The following CDH13 variants were observed in gnomAD, a reference collection of about 807,000 sequenced individuals.
CDH13 encodes cadherin-13.
Under a neutral mutation model 63.8 loss-of-function variants are expected in CDH13, and 24 were observed. The ratio of observed to expected loss-of-function variants is 0.38; its 90% CI spans 0.27 to 0.53. The LOEUF (loss-of-function observed/expected upper bound fraction) is 0.53, where lower values mean the gene tolerates loss of function less well. Among genes scored for constraint, CDH13 ranks in the 20% least tolerant of loss-of-function variants. CDH13 has a pLI of 0.85. For synonymous variants in CDH13, 503 were observed against 355.3 expected (o/e 1.42, Z -4.67); for missense variants, 1,049 against 903.1 (o/e 1.16, Z -2.07).
chr16:83,481,472 C>T (rs1337863222), intron 6 of CDH13, among the ~76,000 whole-genome samples: 2 of 152,194 alleles, frequency 1.3e-5, no homozygotes, highest in Non-Finnish European at 2.9e-5. Flanking sequence ...CTTGAAGTCA[C>T]AGGAAAGCAA....
chr16:83,231,313 T>G (rs974205292), intron 5 of CDH13, among the ~76,000 whole-genome samples: 1 of 152,180 alleles, frequency 6.6e-6, no homozygotes, highest in Non-Finnish European at 1.5e-5. Context: ...TGAAAGAGCA[T>G]CTGTGCGTTG....
At chr16:82,749,342 A>T (rs940833688) in intron 1 of CDH13, among the ~76,000 whole-genome samples, 1 of 152,222 alleles carries the variant, frequency 6.6e-6, no homozygotes. Context: ...ATGAGGCTTC[A>T]CTTACATAGC....
At chr16:83,148,518 G>A (rs554912562) in intron 4 of CDH13, among the ~76,000 whole-genome samples, 33 of 152,328 alleles carry the variant, frequency 2.2e-4, no homozygotes, top group Admixed American at 1.6e-3. Context: ...GTCAATGTAC[G>A]TAATGCCTCT....
rs1431879396 is a variant in CDH13 at position 83,003,460 on chromosome 16, G to C, written c.158-28550G>C. ...GGACAGTATGGAAAATGCTGTATAGGGAGAATAAATAAATGTATAATCAGG... is the reference window on the plus strand; with the variant it reads ...GGACAGTATGGAAAATGCTGTATAGCGAGAATAAATAAATGTATAATCAGG... On this transcript the variant is annotated intron_variant, in intron 2 of 13. Coordinates refer to ENST00000567109, the MANE Select transcript of CDH13 (RefSeq NM_001257.5). Among the ~76,000 whole-genome samples the C allele has an allele frequency of 7.2e-5, 11 of 151,894 alleles. 1 individual carries two copies. Among genetic ancestry groups the C allele is most frequent in the Admixed American group, 7.2e-4 (11 of 15,270 alleles).
intron 7 of CDH13, among the ~76,000 whole-genome samples, chr16:83,588,599 T>G (rs1260744489): frequency 6.6e-6 from 1 of 152,220 alleles, no homozygotes; most frequent in East Asian, 1.9e-4. Context: ...CACCAAGGGC[T>G]GTAATAAATA....
At chr16:82,927,880 C>T (rs977797635) in intron 2 of CDH13, among the ~76,000 whole-genome samples, 5 of 152,286 alleles carry the variant, frequency 3.3e-5, no homozygotes, top group African/African-American at 1.2e-4. Context: ...TTGGTTGGTA[C>T]TTCATAAACA....
chr16:82,693,885 A>C (rs1051454519), intron 1 of CDH13, among the ~76,000 whole-genome samples: 3 of 152,128 alleles, frequency 2.0e-5, no homozygotes, highest in African/African-American at 7.2e-5. Flanking sequence ...AAATCTTATA[A>C]CATTCTTGGT....
At chr16:82,978,924 A>T in intron 2 of CDH13, among the ~76,000 whole-genome samples, 2 of 152,122 alleles carry the variant, frequency 1.3e-5, no homozygotes, top group East Asian at 3.9e-4. Flanking sequence ...AGACACTCAA[A>T]GCTAGCCATG....
intron 1 of CDH13, among the ~76,000 whole-genome samples, chr16:82,738,480 C>G (rs368136149): frequency 2.0e-5 from 3 of 152,328 alleles, no homozygotes; most frequent in South Asian, 4.1e-4. Flanking sequence ...AGCACATCAC[C>G]TTTCTGCCCT....
chr16:82,895,074 C>T (rs2041207228), intron 2 of CDH13, among the ~76,000 whole-genome samples: 1 of 152,176 alleles, frequency 6.6e-6, no homozygotes, highest in Admixed American at 6.5e-5. Flanking sequence ...CGTAGAATCA[C>T]TCATTTTAAG....
chr16:83,797,995 G>A lies in CDH13; in HGVS notation c.*2965G>A, dbSNP rs780524548. On this transcript the variant is annotated 3_prime_UTR_variant, in exon 14 of 14. Coordinates refer to ENST00000567109, the MANE Select transcript of CDH13 (RefSeq NM_001257.5). The stretch of plus-strand genomic sequence containing the variant: ...CATTCCAGGCAGATATACCTGCTGT[G>A]CCTCTTGGCCGACACCAGCAAATCT... The A allele has an allele frequency of 2.0e-5, 3 of 152,172 alleles. No individual in the cohort carries two copies. The highest frequency in any genetic ancestry group is 4.8e-5 in the African/African-American group (2 of 41,442). The allele number at this position is 152,172 out of a possible 1,614,324, so 9.4% of individuals were successfully genotyped here.
intron 1 of CDH13, among the ~76,000 whole-genome samples, chr16:82,817,540 A>G (rs2037781032): frequency 6.6e-6 from 1 of 152,190 alleles, no homozygotes; most frequent in Admixed American, 6.5e-5. Flanking sequence ...GCAGTGGCTC[A>G]CACCTGTAAC....
At chr16:83,732,471 C>G (rs894781935) in intron 10 of CDH13, among the ~76,000 whole-genome samples, 5 of 152,118 alleles carry the variant, frequency 3.3e-5, no homozygotes, top group African/African-American at 1.2e-4. Context: ...GGTTTTGAAG[C>G]CTGAAAGGGA....
chr16:83,507,164 T>C (rs778211294), intron 7 of CDH13, among the ~76,000 whole-genome samples: 5 of 152,242 alleles, frequency 3.3e-5, no homozygotes, highest in Non-Finnish European at 7.3e-5. Flanking sequence ...TTTGCATGAC[T>C]CAATCCCTCT....
intron 5 of CDH13, among the ~76,000 whole-genome samples, chr16:83,337,964 A>G (rs548786184): frequency 3.9e-5 from 6 of 152,270 alleles, no homozygotes; most frequent in African/African-American, 1.4e-4. Flanking sequence ...ATGCAAAAAC[A>G]TTCAGCAAGT....
chr16:83,193,047 G>A (rs1377802739), intron 4 of CDH13, among the ~76,000 whole-genome samples: 2 of 152,012 alleles, frequency 1.3e-5, no homozygotes, highest in African/African-American at 4.8e-5. Context: ...GGTGTCAGAT[G>A]GCACACTCGG....
chr16:83,496,578 TA>T (rs1352978291), intron 7 of CDH13, among the ~76,000 whole-genome samples: 6 of 152,178 alleles, frequency 3.9e-5, no homozygotes, highest in Admixed American at 6.5e-5. Context: ...ACCTAGGCTT[TA>T]CCATTCAGGA....
chr16:83,133,580 C>T (rs2036150114), intron 4 of CDH13, among the ~76,000 whole-genome samples: 1 of 152,158 alleles, frequency 6.6e-6, no homozygotes, highest in South Asian at 2.1e-4. Context: ...CTCACTGCAA[C>T]CTCTGCCTCC....
chr16:82,970,123 C>G (rs564232375), intron 2 of CDH13, among the ~76,000 whole-genome samples: 1 of 152,074 alleles, frequency 6.6e-6, no homozygotes, highest in Admixed American at 6.5e-5. Flanking sequence ...GTTTCCCTCC[C>G]TGTTTCCTTG....
Sources: allele counts gnomAD v4.1 joint callset (sites outside exome capture counted in the v4.1 genomes callset), GRCh38; gene constraint gnomAD v4.1.1; transcripts MANE v1.5; gene names NCBI Gene and HGNC (gene_info 2026-07-23, HGNC 2026-07-21).